The following CFAP46 variants were observed in gnomAD, a reference collection of about 807,000 sequenced individuals.
CFAP46 encodes the protein cilia- and flagella-associated protein 46.
In CFAP46, 245 loss-of-function variants were observed where a neutral mutation model predicts 325.7. That is an observed-to-expected ratio of 0.75 (90% CI 0.68 to 0.84). The LOEUF (loss-of-function observed/expected upper bound fraction) is 0.84, where lower values mean the gene tolerates loss of function less well. Ranked by LOEUF, CFAP46 falls within the 40% of genes least tolerant of loss-of-function variation. The pLI, the probability that CFAP46 is intolerant of heterozygous loss-of-function variation, is 0.00. For missense variants in CFAP46, 3,346 were observed against 3,543.0 expected (o/e 0.94, Z 1.41); for synonymous variants, 1,523 against 1,495.9 (o/e 1.02, Z -0.42).
intron 50 of CFAP46, among the ~76,000 whole-genome samples, chr10:132,820,052 C>T (rs955628916): frequency 1.1e-4 from 17 of 151,904 alleles, no homozygotes; most frequent in Admixed American, 1.3e-4. Context: ...AAAAACCAAA[C>T]AACCCAATCG....
intron 50 of CFAP46, among the ~76,000 whole-genome samples, chr10:132,825,082 G>C (rs1433150625): frequency 1.4e-5 from 2 of 144,010 alleles, no homozygotes; most frequent in African/African-American, 5.3e-5. Flanking sequence ...TGTGTGCGCT[G>C]ATGTGTGCTG....
At chr10:132,821,615 ATGTGTGCTGTG>A (rs1157394902) in intron 50 of CFAP46, among the ~76,000 whole-genome samples, 6 of 85,000 alleles carry the variant, frequency 7.1e-5, no homozygotes, top group Admixed American at 1.5e-4. Flanking sequence ...GTGTGCGCTG[ATGTGTGCTGTG>A]TGTGTGCTGT....
intron 19 of CFAP46, 146 bp from the exon 20 acceptor site, chr10:132,910,214 G>T: frequency 1.4e-6 from 1 of 712,160 alleles, no homozygotes; most frequent in Non-Finnish European, 2.0e-6. Context: ...GCCCACCAGC[G>T]GCTGCACCAC....
chr10:132,929,990 C>A (rs1018917379), intron 8 of CFAP46, among the ~76,000 whole-genome samples, 186 bp from the exon 9 acceptor site: 9 of 152,112 alleles, frequency 5.9e-5, no homozygotes, highest in African/African-American at 2.2e-4. Flanking sequence ...CAAGCTACAG[C>A]ACCGGAGCCC....
chr10:132,845,291 T>C (rs1197912611), intron 44 of CFAP46, among the ~76,000 whole-genome samples: 1 of 152,172 alleles, frequency 6.6e-6, no homozygotes, highest in Non-Finnish European at 1.5e-5. Flanking sequence ...CACCTCTGGG[T>C]TGAGTCACCA....
chr10:132,937,219 C>T (rs920877028), intron 6 of CFAP46, 164 bp from the exon 7 acceptor site: 12 of 519,532 alleles, frequency 2.3e-5, no homozygotes, highest in Non-Finnish European at 3.6e-5. Flanking sequence ...TGAATGAATG[C>T]TTTTGGTACA....
chr10:132,938,833 C>A, intron 4 of CFAP46, 80 bp from the exon 5 acceptor site: 1 of 1,397,926 alleles, frequency 7.2e-7, no homozygotes, highest in Non-Finnish European at 9.8e-7. Context: ...GCCGCTGTGT[C>A]TCCGGAGCCC....
At chr10:132,831,737 A>G (rs1848150266) in intron 50 of CFAP46, among the ~76,000 whole-genome samples, 1 of 151,878 alleles carries the variant, frequency 6.6e-6, no homozygotes, top group Non-Finnish European at 1.5e-5. Flanking sequence ...GTGATGATAG[A>G]TATGGTTGGG....
At chr10:132,825,224 GT>G in intron 50 of CFAP46, among the ~76,000 whole-genome samples, 1 of 148,610 alleles carries the variant, frequency 6.7e-6, no homozygotes, top group Non-Finnish European at 1.5e-5. Flanking sequence ...GTGCCCTGAT[GT>G]GTGCTGTGTG....
At position 132,919,562 on chromosome 10, in the gene CFAP46, G is replaced by T; in HGVS notation, c.1731-120C>A. On this transcript the variant is annotated intron_variant, in intron 14 of 57. Transcript: ENST00000368586. The surrounding 1 kb of genome is among the most constrained non-coding windows in gnomAD (Gnocchi z 9.7). ...ACTGTGGCTCTGCAGTTTCAAGGTG[G>T]CAAGGAGCCCGGCACTCGCGCTGGG... The T allele has an allele frequency of 7.5e-7, 1 of 1,342,144 alleles. No homozygotes were observed. 83.1% of individuals were successfully genotyped at this position (1,342,144 alleles called of 1,614,324 possible).
intron 50 of CFAP46, among the ~76,000 whole-genome samples, chr10:132,824,699 CTGATGTGTGCTGTGTGTGTACTGA>C: frequency 2.4e-5 from 1 of 41,912 alleles, no homozygotes; most frequent in East Asian, 4.2e-4. Flanking sequence ...TGTGTGTGCG[CTGATGTGTGCTGTGTGTGTACTGA>C]TGTGTGCTGT....
chr10:132,822,749 C>T (rs1344418990), intron 50 of CFAP46, among the ~76,000 whole-genome samples: 3 of 111,690 alleles, frequency 2.7e-5, no homozygotes, highest in Non-Finnish European at 1.8e-5. Flanking sequence ...GTGATGTGTG[C>T]TGTGTGAGTG....
At chr10:132,898,741 C>G (rs1463425601) in intron 24 of CFAP46, 1 of 672,980 alleles carries the variant, frequency 1.5e-6, no homozygotes, top group Admixed American at 2.1e-5. Flanking sequence ...ATGTGTGTTG[C>G]TGGGAGAGGT....
Position 132,866,039 on chromosome 10 carries a change from A to C in CFAP46, c.4876T>G (p.Tyr1626Asp), listed in dbSNP as rs1032444853. ...QPARLLLSEA[Y>D]LAFQELDEPC... ...GGGCTCCTCACCTGGAAAGCCAGGT[A>C]AGCCTCCGACAGGAGCAGCCGTGCA... The change falls in exon 35 of 58, where the codon TAC (tyrosine) becomes GAC (aspartate). Residue 1626 changes from tyrosine (Y) to aspartate (D), a missense_variant. Tyr to Asp is a radical substitution (Grantham distance 160). Transcript: ENST00000368586. 4.6e-6 allele frequency: 7 copies of C among 1,513,702 alleles called. No homozygotes were observed. The highest frequency in any genetic ancestry group is 6.2e-6 in the Non-Finnish European group (7 of 1,127,982). 93.8% of individuals were successfully genotyped at this position (1,513,702 alleles called of 1,614,324 possible).
intron 7 of CFAP46, among the ~76,000 whole-genome samples, chr10:132,936,547 CCCCCAA>C (rs1564806531): frequency 6.9e-6 from 1 of 145,020 alleles, no homozygotes; most frequent in Admixed American, 6.8e-5. Flanking sequence ...CTCCCCTCAG[CCCCCAA>C]ATACACTGTG....
intron 56 of CFAP46, 99 bp from the exon 57 acceptor site, chr10:132,810,588 C>T (rs1252957982): frequency 9.4e-7 from 1 of 1,061,034 alleles, no homozygotes; most frequent in African/African-American, 1.6e-5. Context: ...CACGCACTTT[C>T]CCATAAGACG....
chr10:132,838,458 G>A (rs558597364), intron 44 of CFAP46, among the ~76,000 whole-genome samples: 2 of 152,276 alleles, frequency 1.3e-5, no homozygotes, highest in South Asian at 2.1e-4. Context: ...GGACATTGCC[G>A]GCCACTGGCC....
At chr10:132,913,657 C>A (rs551157156) in intron 17 of CFAP46, among the ~76,000 whole-genome samples, 1 of 152,192 alleles carries the variant, frequency 6.6e-6, no homozygotes, top group Non-Finnish European at 1.5e-5. Context: ...GCTGAAACCG[C>A]TGGGACGGCT....
chr10:132,824,827 C>A, intron 50 of CFAP46, among the ~76,000 whole-genome samples: 1 of 102,216 alleles, frequency 9.8e-6, no homozygotes, highest in South Asian at 3.5e-4. Flanking sequence ...GCTGTCTGTG[C>A]GCTGTGTGCT....
Sources: allele counts gnomAD v4.1 joint callset (sites outside exome capture counted in the v4.1 genomes callset), GRCh38; gene constraint gnomAD v4.1.1; non-coding constraint Gnocchi (gnomAD v3.1); transcripts MANE v1.5; gene names NCBI Gene and HGNC (gene_info 2026-07-23, HGNC 2026-07-21).